FMN2: variants seen among roughly 807,000 people sequenced by gnomAD.
FMN2 encodes the protein formin 2.
A neutral mutation model predicts 142.3 loss-of-function variants in FMN2; 51 were observed. The ratio of observed to expected loss-of-function variants is 0.36; its 90% CI spans 0.29 to 0.45. The LOEUF (loss-of-function observed/expected upper bound fraction) is 0.45, where lower values mean the gene tolerates loss of function less well. FMN2 is among the 20% of genes least tolerant of loss of function. The pLI, the probability that FMN2 is intolerant of heterozygous loss-of-function variation, is 1.00. For synonymous variants in FMN2, 882 were observed against 869.8 expected (o/e 1.01, Z -0.25); for missense variants, 1,936 against 2,122.8 (o/e 0.91, Z 1.73).
At chr1:240,468,689 A>G (rs1431548450) in intron 16 of FMN2, among the ~76,000 whole-genome samples, 1 of 152,216 alleles carries the variant, frequency 6.6e-6, no homozygotes, top group East Asian at 1.9e-4. Context: ...TACTTAGTTA[A>G]GAAATGTTAG....
chr1:240,298,911 A>T (rs1177276795), intron 8 of FMN2, among the ~76,000 whole-genome samples: 2 of 151,648 alleles, frequency 1.3e-5, no homozygotes, highest in Non-Finnish European at 1.5e-5. Flanking sequence ...TTATGTATGC[A>T]TATGTCTTAT....
intron 3 of FMN2, among the ~76,000 whole-genome samples, chr1:240,185,115 C>T (rs866327970): frequency 3.8e-5 from 5 of 133,130 alleles, no homozygotes; most frequent in African/African-American, 1.5e-4. Flanking sequence ...CCCTCCTATA[C>T]CTTCCCCCTT....
chr1:240,276,266 A>G (rs1669205261), intron 7 of FMN2, among the ~76,000 whole-genome samples: 1 of 152,322 alleles, frequency 6.6e-6, no homozygotes, highest in African/African-American at 2.4e-5. Flanking sequence ...AGAATAGGTG[A>G]AGAGGTGGTT....
chr1:240,336,431 C>T (rs1166284771), intron 13 of FMN2, among the ~76,000 whole-genome samples: 1 of 151,816 alleles, frequency 6.6e-6, no homozygotes, highest in African/African-American at 2.4e-5. Context: ...TCACATTTGT[C>T]TGGCACAGTA....
intron 15 of FMN2, among the ~76,000 whole-genome samples, chr1:240,405,339 C>T (rs1199447477): frequency 6.6e-6 from 1 of 152,134 alleles, no homozygotes; most frequent in Non-Finnish European, 1.5e-5. Context: ...TGTCTTTAGG[C>T]CGGGCGCGGT....
chr1:240,161,790 G>C (rs972105368), intron 2 of FMN2, among the ~76,000 whole-genome samples: 2 of 152,034 alleles, frequency 1.3e-5, no homozygotes, highest in Admixed American at 6.6e-5. Flanking sequence ...AATGAAAGTT[G>C]ATATCCATCT....
chr1:240,294,444 G>A (rs189598263), intron 7 of FMN2, among the ~76,000 whole-genome samples: 5 of 152,248 alleles, frequency 3.3e-5, no homozygotes, highest in Admixed American at 6.5e-5. Context: ...TAGATATACT[G>A]GTGAATTTAA....
At chr1:240,465,967 A>G (rs1676608096) in intron 16 of FMN2, among the ~76,000 whole-genome samples, 1 of 152,166 alleles carries the variant, frequency 6.6e-6, no homozygotes, top group African/African-American at 2.4e-5. Context: ...CCTGACAATA[A>G]ATGGGTCTGG....
chr1:240,159,982 C>T (rs1262582718), intron 2 of FMN2, among the ~76,000 whole-genome samples: 5 of 144,078 alleles, frequency 3.5e-5, no homozygotes, highest in South Asian at 2.2e-4. Flanking sequence ...TATACACACA[C>T]ACACACACAC....
intron 2 of FMN2, 139 bp downstream of exon 2, chr1:240,123,484 C>A: frequency 4.0e-6 from 2 of 505,566 alleles, no homozygotes; most frequent in Non-Finnish European, 6.2e-6. Context: ...TGCTCAACAG[C>A]TCGGTATGTC....
At chr1:240,411,676 G>A (rs1009787297) in intron 15 of FMN2, among the ~76,000 whole-genome samples, 5 of 149,950 alleles carry the variant, frequency 3.3e-5, no homozygotes, top group African/African-American at 9.9e-5. Context: ...CTCTGTTGGC[G>A]TGAAAACATA....
intron 7 of FMN2, among the ~76,000 whole-genome samples, chr1:240,292,539 A>G (rs755372737): frequency 6.6e-6 from 1 of 152,146 alleles, no homozygotes; most frequent in Admixed American, 6.5e-5. Context: ...TGTATAGGAA[A>G]CACCTCACAT....
At chr1:240,245,359 G>C in intron 6 of FMN2, 1 of 391,164 alleles carries the variant, frequency 2.6e-6, no homozygotes. Context: ...GTACTCTCTG[G>C]GAGGAAGTGA....
intron 13 of FMN2, among the ~76,000 whole-genome samples, chr1:240,343,091 GTA>G (rs1183392501): frequency 6.6e-6 from 1 of 152,130 alleles, no homozygotes; most frequent in African/African-American, 2.4e-5. Flanking sequence ...TTCATATCAG[GTA>G]TATATCTAAC....
chr1:240,184,776 G>A (rs1477911748), intron 3 of FMN2, among the ~76,000 whole-genome samples: 1 of 151,794 alleles, frequency 6.6e-6, no homozygotes, highest in Non-Finnish European at 1.5e-5. Context: ...TTCCGGGAGT[G>A]ATCACTTTCA....
At position 240,438,210 on chromosome 1, in the gene FMN2, G is replaced by A; in HGVS notation, c.5060G>A (p.Arg1687Lys). The part of the protein sequence containing the change: ...KKENKLLLQE[R>K]VKEAEEVCRQ... ...GAGAACAAACTTCTTCTACAAGAGA[G>A]GTAGGTATTTTCATTTGCACAATGG... is the stretch of plus-strand genomic sequence containing the variant. Residue 1687 changes from arginine (R) to lysine (K), a missense_variant and splice_region_variant, in exon 16 of 18, where the codon AGA (arginine) becomes AAA (lysine). Around this residue, in one of 8 missense-constraint regions of FMN2, gnomAD observed 322 missense variants for 401.6 expected, o/e 0.80. Transcript: ENST00000319653. The A allele has an allele frequency of 1.2e-6, 2 of 1,611,520 alleles. No individual in the cohort carries two copies. The highest frequency in any genetic ancestry group is 1.7e-6 in the Non-Finnish European group (2 of 1,179,306).
At chr1:240,269,610 A>G (rs1558403515) in intron 7 of FMN2, among the ~76,000 whole-genome samples, 1 of 152,012 alleles carries the variant, frequency 6.6e-6, no homozygotes, top group South Asian at 2.1e-4. Context: ...TTGGGATTAC[A>G]TTGAATCTGT....
In FMN2 at chr1:240,207,536, GC is replaced by G; in HGVS notation, c.2726del (p.Pro909HisfsTer366). 1.2e-6 allele frequency: 2 copies of G among 1,610,468 alleles called. No individual in the cohort carries two copies. Among genetic ancestry groups the G allele is most frequent in the Non-Finnish European group, 8.5e-7 (1 of 1,179,638 alleles). ...CTCCTCTGCAGGGTACAGAAATGCT[GC>G]CACCCCCTCCCCCTCCTCTTCCCGG... ...PPPLQGTEML[P>X]PPPPPLPGAG... On this transcript the variant is annotated frameshift_variant, in exon 5 of 18. Coordinates refer to ENST00000319653, the MANE Select transcript of FMN2 (RefSeq NM_020066.5). LOFTEE classifies it high-confidence loss of function.
chr1:240,205,622 C>T (rs534538058), intron 4 of FMN2, among the ~76,000 whole-genome samples: 15 of 151,918 alleles, frequency 9.9e-5, no homozygotes, highest in African/African-American at 2.7e-4. Context: ...CCACCACGCC[C>T]GGCTAATTTT....
Sources: gnomAD v4.1 joint callset for allele counts (sites outside exome capture counted in the v4.1 genomes callset) on GRCh38, gnomAD v4.1.1 for gene constraint, gnomAD v4.1.1 regional missense constraint, MANE v1.5 for transcripts, NCBI Gene and HGNC (gene_info 2026-07-23, HGNC 2026-07-21) for gene names.